Variants in GALNTL6 observed in about 807,000 individuals in gnomAD.
The protein encoded by GALNTL6 is polypeptide N-acetylgalactosaminyltransferase like 6, also known as polypeptide N-acetylgalactosaminyltransferase-like 6.
Under a neutral mutation model 73.7 loss-of-function variants are expected in GALNTL6, and 46 were observed. That is an observed-to-expected ratio of 0.62 (90% CI 0.49 to 0.80). GALNTL6 has a LOEUF of 0.80. GALNTL6 is among the 30% of genes least tolerant of loss of function. The pLI is 0.00. For synonymous variants in GALNTL6, 259 were observed against 263.7 expected (o/e 0.98, Z 0.17); for missense variants, 604 against 755.0 (o/e 0.80, Z 2.34).
chr4:172,936,665 A>T (rs146093686), intron 9 of GALNTL6, among the ~76,000 whole-genome samples: 2 of 152,174 alleles, frequency 1.3e-5, no homozygotes, highest in African/African-American at 4.8e-5. Context: ...CCCATTCACA[A>T]TTGTTACTAA....
intron 5 of GALNTL6, among the ~76,000 whole-genome samples, chr4:172,359,469 A>G (rs554930115): frequency 1.7e-3 from 258 of 152,330 alleles, no homozygotes; most frequent in African/African-American, 5.9e-3. Flanking sequence ...GAGTTTACTT[A>G]TATAACAAAC....
intron 12 of GALNTL6, among the ~76,000 whole-genome samples, chr4:173,032,343 C>G (rs1753498363): frequency 6.6e-6 from 1 of 151,430 alleles, no homozygotes; most frequent in South Asian, 2.1e-4. Context: ...CCCAGCTACT[C>G]GGGAGGCTGA....
At position 172,808,451 on chromosome 4, in the gene GALNTL6, A is replaced by G. The variant is rs75458592; in HGVS notation, c.554-910A>G. ...GTGAAAAATACAGAGCATACAGCAT[A>G]CTAAGATTCCACTTCAATGAATACT... is the stretch of plus-strand genomic sequence containing the variant. On this transcript the variant is annotated intron_variant, in intron 5 of 12. Coordinates refer to ENST00000506823, the MANE Select transcript of GALNTL6 (RefSeq NM_001034845.3). Among the ~76,000 whole-genome samples, 677 of 152,360 alleles carry G rather than the reference A, an allele frequency of 4.4e-3. 4 individuals carry two copies. The highest frequency in any genetic ancestry group is 7.4e-3 in the Non-Finnish European group (505 of 68,038).
At chr4:171,911,265 G>C (rs6838082) in intron 2 of GALNTL6, among the ~76,000 whole-genome samples, 2 of 152,048 alleles carry the variant, frequency 1.3e-5, no homozygotes, top group Admixed American at 1.3e-4. Flanking sequence ...GCTCTGTCAA[G>C]CCTCCCACTT....
intron 2 of GALNTL6, among the ~76,000 whole-genome samples, chr4:171,822,393 G>A (rs1341862258): frequency 6.6e-6 from 1 of 152,168 alleles, no homozygotes; most frequent in Non-Finnish European, 1.5e-5. Flanking sequence ...ACAGAAGTAT[G>A]TAACTGTGGG....
intron 5 of GALNTL6, among the ~76,000 whole-genome samples, chr4:172,627,505 A>G (rs974940170): frequency 1.3e-5 from 2 of 150,818 alleles, no homozygotes; most frequent in East Asian, 3.9e-4. Context: ...CTGGCTTCAT[A>G]GAATGAGTTG....
chr4:172,433,710 T>TTC (rs1554023655), intron 5 of GALNTL6, among the ~76,000 whole-genome samples: 3 of 151,880 alleles, frequency 2.0e-5, no homozygotes, highest in Non-Finnish European at 4.4e-5. Flanking sequence ...ATTTTTTTTT[T>TTC]CTCCATAAGC....
At chr4:172,210,208 G>T (rs114716672) in intron 2 of GALNTL6, among the ~76,000 whole-genome samples, 91 of 152,050 alleles carry the variant, frequency 6.0e-4, no homozygotes, top group African/African-American at 2.1e-3. Context: ...GAGAAATATT[G>T]CCCTTCTAAA....
chr4:172,714,963 T>C (rs1560899928), intron 5 of GALNTL6, among the ~76,000 whole-genome samples: 1 of 149,036 alleles, frequency 6.7e-6, no homozygotes, highest in Non-Finnish European at 1.5e-5. Context: ...TATTTCTTTT[T>C]CCACCACTGC....
In GALNTL6 at chr4:172,032,226, A is replaced by G. The variant is rs374004921; in HGVS notation, c.139-197430A>G. On this transcript the variant is annotated intron_variant, in intron 2 of 12. Coordinates refer to ENST00000506823, the MANE Select transcript of GALNTL6 (RefSeq NM_001034845.3). ...GCAAAAACAACTTGAAGAAAAGTCA[A>G]TTTGGTCACTAAACTTTGGGAGTAA... 7.2e-5 allele frequency among the ~76,000 whole-genome samples: 11 copies of G among 152,226 alleles called. No individual in the cohort carries two copies. In the South Asian group the frequency reaches 1.0e-3, roughly 14 times the overall value.
At chr4:172,736,735 G>A (rs1736490170) in intron 5 of GALNTL6, among the ~76,000 whole-genome samples, 1 of 152,184 alleles carries the variant, frequency 6.6e-6, no homozygotes, top group African/African-American at 2.4e-5. Context: ...ATATTAATTT[G>A]GGGAACTAAT....
intron 5 of GALNTL6, among the ~76,000 whole-genome samples, chr4:172,502,596 G>A (rs140915808): frequency 1.3e-5 from 2 of 152,214 alleles, no homozygotes; most frequent in East Asian, 3.9e-4. Flanking sequence ...TCATTAATGT[G>A]TCCTAAACTG....
At chr4:172,642,085 G>A (rs1341766756) in intron 5 of GALNTL6, among the ~76,000 whole-genome samples, 3 of 151,976 alleles carry the variant, frequency 2.0e-5, no homozygotes, top group Non-Finnish European at 2.9e-5. Context: ...GTAAGTGTTG[G>A]CAAGTATGTG....
chr4:172,558,892 C>G (rs7670726), intron 5 of GALNTL6, among the ~76,000 whole-genome samples: 6,454 of 151,850 alleles, frequency 0.043, 437 homozygotes, highest in African/African-American at 0.14. Context: ...TTGGGGAAAA[C>G]CCTGGGATGG....
At chr4:172,349,729 A>C (rs1741874838) in intron 5 of GALNTL6, among the ~76,000 whole-genome samples, 1 of 151,968 alleles carries the variant, frequency 6.6e-6, no homozygotes, top group Non-Finnish European at 1.5e-5. Context: ...AGGTTGTTTG[A>C]CACTACACTA....
chr4:172,927,404 G>A (rs935841720), intron 8 of GALNTL6, among the ~76,000 whole-genome samples: 4 of 152,216 alleles, frequency 2.6e-5, no homozygotes, highest in South Asian at 2.1e-4. Context: ...TTTGGTTATC[G>A]GTGTTAGTAA....
intron 7 of GALNTL6, among the ~76,000 whole-genome samples, chr4:172,881,649 G>T (rs1180127569): frequency 6.6e-6 from 1 of 152,106 alleles, no homozygotes; most frequent in Non-Finnish European, 1.5e-5. Flanking sequence ...ATATCTTTTT[G>T]TGTATATCAA....
chr4:171,831,400 T>G (rs940409511), intron 2 of GALNTL6, among the ~76,000 whole-genome samples: 2 of 152,020 alleles, frequency 1.3e-5, no homozygotes, highest in African/African-American at 4.8e-5. Context: ...AATAACATTG[T>G]GTTTGGTGAA....
chr4:171,953,800 C>G (rs1738961532), intron 2 of GALNTL6, among the ~76,000 whole-genome samples: 1 of 151,754 alleles, frequency 6.6e-6, no homozygotes, highest in African/African-American at 2.4e-5. Context: ...GAGAAATAGC[C>G]CAAGAGACAG....
Sources: allele counts gnomAD v4.1 joint callset (sites outside exome capture counted in the v4.1 genomes callset), GRCh38; gene constraint gnomAD v4.1.1; transcripts MANE v1.5; gene names NCBI Gene and HGNC (gene_info 2026-07-23, HGNC 2026-07-21).